AKAP13: variants seen among roughly 807,000 people sequenced by gnomAD.
AKAP13 encodes A-kinase anchor protein 13.
Under a neutral mutation model 264.5 loss-of-function variants are expected in AKAP13, and 80 were observed. The observed-to-expected ratio is 0.30, with a 90% CI of 0.25 to 0.36. The LOEUF is 0.36. AKAP13 is among the 10% of genes least tolerant of loss of function. The pLI is 1.00. For synonymous variants in AKAP13, 1,380 were observed against 1,250.2 expected, an observed-to-expected ratio of 1.10 and a Z score of -2.19; for missense variants, 3,712 against 3,435.2, an observed-to-expected ratio of 1.08 and a Z score of -2.01.
intron 8 of AKAP13, among the ~76,000 whole-genome samples, chr15:85,615,992 G>C (rs2080919028): frequency 6.6e-6 from 1 of 152,168 alleles, no homozygotes; most frequent in Admixed American, 6.5e-5. Context: ...TTTTCACTTA[G>C]TACCTTGTGT....
intron 9 of AKAP13, among the ~76,000 whole-genome samples, chr15:85,641,216 G>A (rs2151477869): frequency 6.6e-6 from 1 of 152,004 alleles, no homozygotes. Context: ...GGAGGCCGAG[G>A]CGGGCAGATC....
intron 17 of AKAP13, among the ~76,000 whole-genome samples, chr15:85,705,505 TTTAAG>T (rs1342518181): frequency 3.9e-5 from 6 of 152,224 alleles, no homozygotes; most frequent in South Asian, 2.1e-4. Context: ...AAATCTTATC[TTTAAG>T]TTATCACAAG....
At chr15:85,427,966 T>C (rs969593536) in intron 1 of AKAP13, among the ~76,000 whole-genome samples, 3 of 152,148 alleles carry the variant, frequency 2.0e-5, no homozygotes, top group Non-Finnish European at 2.9e-5. Context: ...CAGAGGAACA[T>C]TGATGAACTG....
At chr15:85,556,777 A>G (rs1417549431) in intron 5 of AKAP13, among the ~76,000 whole-genome samples, 5 of 152,176 alleles carry the variant, frequency 3.3e-5, no homozygotes, top group Non-Finnish European at 7.3e-5. Context: ...CTAACTCTGC[A>G]TGCTGGCTCT....
At chr15:85,575,505 A>T (rs536979462) in intron 6 of AKAP13, among the ~76,000 whole-genome samples, 176 bp downstream of exon 6, 1 of 152,244 alleles carries the variant, frequency 6.6e-6, no homozygotes, top group African/African-American at 2.4e-5. Context: ...CATCCTGGCT[A>T]ACACGGTGAA....
chr15:85,501,215 G>T lies in AKAP13; in HGVS notation c.33+15462G>T, dbSNP rs569042958. On this transcript the variant is annotated intron_variant, in intron 2 of 36. Coordinates refer to ENST00000394518, the MANE Select transcript of AKAP13 (RefSeq NM_007200.5). ...GTCTTGTATGGTTTAGGGATCCCAGGCAGCATAATATTAAGAAGCTACAAC... is the reference window on the plus strand; with the variant it reads ...GTCTTGTATGGTTTAGGGATCCCAGTCAGCATAATATTAAGAAGCTACAAC... Among the ~76,000 whole-genome samples the T allele has an allele frequency of 4.6e-5, 7 of 152,204 alleles. No individual in the cohort carries two copies. In the South Asian group the frequency reaches 1.5e-3, roughly 32 times the overall value.
At chr15:85,703,427 T>C (rs569525475) in intron 17 of AKAP13, among the ~76,000 whole-genome samples, 1 of 152,250 alleles carries the variant, frequency 6.6e-6, no homozygotes, top group Non-Finnish European at 1.5e-5. Context: ...TTTTTGTGGC[T>C]TTCTTCTTGT....
At position 85,581,476 on chromosome 15, in the gene AKAP13, A is replaced by G. The variant is rs1189282742; in HGVS notation, c.3408A>G (p.Leu1136=). 1.9e-6 allele frequency: 3 copies of G among 1,614,210 alleles called. No homozygotes were observed. Among genetic ancestry groups the G allele is most frequent in the Non-Finnish European group, 2.5e-6 (3 of 1,180,030 alleles). The change falls in exon 7 of 37, where the codon CTA becomes CTG. Residue 1136 remains leucine (L), a synonymous_variant. Coordinates refer to ENST00000394518, the MANE Select transcript of AKAP13 (RefSeq NM_007200.5). ...KNAVLGLPVA[L]QDKAVTDPQG... ...CCGTTCTAGGTTTGCCAGTGGCTCT[A>G]CAGGACAAAGCTGTGACTGACCCAC...
At chr15:85,447,995 A>G (rs895201316) in intron 1 of AKAP13, among the ~76,000 whole-genome samples, 2 of 152,200 alleles carry the variant, frequency 1.3e-5, no homozygotes, top group African/African-American at 4.8e-5. Flanking sequence ...CCAGCAGTGT[A>G]TAAGGGTTCC....
chr15:85,479,813 C>T (rs997431699), intron 1 of AKAP13, among the ~76,000 whole-genome samples: 2 of 152,136 alleles, frequency 1.3e-5, no homozygotes, highest in Non-Finnish European at 2.9e-5. Flanking sequence ...AAAGGCTTCT[C>T]TTGTAGCATG....
At chr15:85,407,306 C>CAA (rs60940236) in intron 1 of AKAP13, among the ~76,000 whole-genome samples, 15,158 of 150,496 alleles carry the variant, frequency 0.1, 1,046 homozygotes, top group East Asian at 0.31. Context: ...GGGCTCACTG[C>CAA]AACCTCCGCC....
At chr15:85,644,120 C>A (rs547694352) in intron 9 of AKAP13, among the ~76,000 whole-genome samples, 1 of 152,240 alleles carries the variant, frequency 6.6e-6, no homozygotes, top group African/African-American at 2.4e-5. Flanking sequence ...AGGTTTCTTG[C>A]CCTGTCCCTC....
intron 7 of AKAP13, among the ~76,000 whole-genome samples, chr15:85,584,046 T>C (rs2079233018): frequency 2.0e-5 from 3 of 152,140 alleles, no homozygotes; most frequent in African/African-American, 2.4e-5. Flanking sequence ...ATGGCCAGGA[T>C]TGGGAAAATC....
intron 16 of AKAP13, chr15:85,691,970 AAG>A (rs2085310909): frequency 2.2e-6 from 1 of 445,650 alleles, no homozygotes; most frequent in African/African-American, 2.0e-5. Context: ...GTGAGCTACT[AAG>A]CCTTGGGACT....
At chr15:85,666,533 T>G (rs1414324181) in intron 13 of AKAP13, among the ~76,000 whole-genome samples, 1 of 152,126 alleles carries the variant, frequency 6.6e-6, no homozygotes, top group Non-Finnish European at 1.5e-5. Context: ...CTGCCTTCTC[T>G]TTTTAAAATT....
At chr15:85,662,383 C>T (rs746862562) in intron 12 of AKAP13, 1 of 1,614,088 alleles carries the variant, frequency 6.2e-7, no homozygotes, top group Non-Finnish European at 8.5e-7. Flanking sequence ...TGATGTCATC[C>T]CCAGTATGAG....
intron 5 of AKAP13, among the ~76,000 whole-genome samples, chr15:85,552,629 T>TC (rs2077997711): frequency 8.5e-5 from 1 of 11,806 alleles, no homozygotes; most frequent in African/African-American, 1.5e-4. Flanking sequence ...TTTTTTGGCC[T>TC]TTTTTTTTTT....
chr15:85,688,452 A>G (rs1433297938), intron 16 of AKAP13, among the ~76,000 whole-genome samples: 1 of 152,236 alleles, frequency 6.6e-6, no homozygotes, highest in Non-Finnish European at 1.5e-5. Context: ...TTAAGCATCT[A>G]CCGAATATAA....
intron 8 of AKAP13, chr15:85,635,237 G>C (rs2082021070): frequency 1.3e-5 from 5 of 396,126 alleles, no homozygotes; most frequent in Non-Finnish European, 2.2e-5. Context: ...GGTATTATCA[G>C]TCTCAAATTT....
Sources: gnomAD v4.1 joint callset for allele counts (sites outside exome capture counted in the v4.1 genomes callset) on GRCh38, gnomAD v4.1.1 for gene constraint, MANE v1.5 for transcripts, NCBI Gene and HGNC (gene_info 2026-07-23, HGNC 2026-07-21) for gene names.